The following DRAM1 variants were observed in gnomAD, a reference collection of about 807,000 sequenced individuals.
The protein encoded by DRAM1 is DNA damage-regulated autophagy modulator protein 1.
DRAM1 carries 25 observed loss-of-function variants against 28.5 expected under a neutral mutation model. That is an observed-to-expected ratio of 0.88 (90% CI 0.64 to 1.23). The LOEUF is 1.23. Ranked by LOEUF, DRAM1 falls within the 50% of genes most tolerant of loss-of-function variation. DRAM1 has a pLI of 0.00. For missense variants in DRAM1, 249 were observed against 299.2 expected (o/e 0.83, Z 1.24); for synonymous variants, 113 against 114.2 (o/e 0.99, Z 0.07).
rs73378828 is a variant in DRAM1, at chr12:101,919,011, C to T, written c.580-1098C>T. On this transcript the variant is annotated intron_variant, in intron 5 of 6. Transcript: ENST00000258534. ...ATCATGGTTCACTGCAACCTCTATC[C>T]CCCAGGCTCAAGTGATCCTCCCAGT... Among the ~76,000 whole-genome samples the T allele has an allele frequency of 3.3e-3, 497 of 151,816 alleles. 7 individuals carry two copies. The highest frequency in any genetic ancestry group is 0.011 in the African/African-American group (458 of 41,396).
intron 3 of DRAM1, among the ~76,000 whole-genome samples, chr12:101,903,926 TACACACACACACACACACACACACAC>T (rs775764624): frequency 7.4e-6 from 1 of 135,924 alleles, no homozygotes; most frequent in Non-Finnish European, 1.6e-5. Context: ...CACACACACA[TACACACACACACACACACACACACAC>T]ACACACACAC....
At chr12:101,878,232 A>G (rs865932726) in intron 1 of DRAM1, among the ~76,000 whole-genome samples, 40 of 152,242 alleles carry the variant, frequency 2.6e-4, no homozygotes, top group Middle Eastern at 3.4e-3. Context: ...CGATATTGAA[A>G]CAAGATGGGT....
chr12:101,920,293 C>CTTTATT, intron 6 of DRAM1, 92 bp downstream of exon 6: 3 of 262,170 alleles, frequency 1.1e-5, no homozygotes, highest in East Asian at 8.4e-5. Flanking sequence ...AAAAAGAGCA[C>CTTTATT]TTTCTTTTTT....
chr12:101,914,482 C>CTTTTTT (rs1437711201), intron 5 of DRAM1, among the ~76,000 whole-genome samples: 1 of 138,142 alleles, frequency 7.2e-6, no homozygotes, highest in African/African-American at 2.8e-5. Context: ...TCTTCTTCTT[C>CTTTTTT]TTCTTTTTTT....
At position 101,901,288 on chromosome 12, in the gene DRAM1, C is replaced by T. The variant is rs1873591642; in HGVS notation, c.200-3C>T. 2.5e-6 allele frequency: 4 copies of T among 1,605,716 alleles called. No homozygotes were observed. The highest frequency in any genetic ancestry group is 2.7e-5 in the African/African-American group (2 of 74,250). On this transcript the variant is annotated splice_region_variant and splice_polypyrimidine_tract_variant and intron_variant, in intron 2 of 6. Coordinates refer to ENST00000258534, the MANE Select transcript of DRAM1 (RefSeq NM_018370.3). ...CATTCATCAAAGTTCTCTTCTTTTT[C>T]AGGTGCAGCCACGATGTATACAAGA...
intron 3 of DRAM1, among the ~76,000 whole-genome samples, chr12:101,904,112 C>A (rs1450949612): frequency 6.6e-6 from 1 of 151,988 alleles, no homozygotes; most frequent in Admixed American, 6.6e-5. Context: ...TTCAGCCTCC[C>A]GAGCAGATGG....
intron 3 of DRAM1, among the ~76,000 whole-genome samples, chr12:101,904,750 T>A (rs1410296574): frequency 6.6e-6 from 1 of 152,020 alleles, no homozygotes; most frequent in Non-Finnish European, 1.5e-5. Flanking sequence ...TGATAGAGCT[T>A]TATTAAACTA....
At chr12:101,903,593 T>G (rs188149810) in intron 3 of DRAM1, among the ~76,000 whole-genome samples, 79 of 152,308 alleles carry the variant, frequency 5.2e-4, no homozygotes, top group Non-Finnish European at 9.3e-4. Context: ...TTAATAATTC[T>G]GGAGATCTAT....
intron 4 of DRAM1, among the ~76,000 whole-genome samples, chr12:101,912,085 G>A (rs1391982611): frequency 6.6e-6 from 1 of 152,162 alleles, no homozygotes; most frequent in African/African-American, 2.4e-5. Context: ...TGTAATCCCA[G>A]CTGCTGAGGA....
chr12:101,905,432 C>T (rs75647810), intron 3 of DRAM1, among the ~76,000 whole-genome samples: 10,020 of 152,020 alleles, frequency 0.066, 793 homozygotes, highest in African/African-American at 0.19. Flanking sequence ...CAGGTTCATG[C>T]CATCATGCCC....
chr12:101,883,280 G>A (rs1386905099), intron 1 of DRAM1, among the ~76,000 whole-genome samples: 1 of 148,848 alleles, frequency 6.7e-6, no homozygotes, highest in African/African-American at 2.5e-5. Flanking sequence ...TAATTATAAG[G>A]CATACTTTTT....
rs567312903 is a variant in DRAM1, at chr12:101,913,204, T to A, written c.521-970T>A. Among the ~76,000 whole-genome samples, 39 of 152,290 alleles carry A rather than the reference T, an allele frequency of 2.6e-4. No homozygotes were observed. In the South Asian group the frequency reaches 4.6e-3, roughly 18 times the overall value. On this transcript the variant is annotated intron_variant, in intron 4 of 6. Coordinates refer to ENST00000258534, the MANE Select transcript of DRAM1 (RefSeq NM_018370.3). ...GCATTATTAGGCTGGACTGTAGGCA[T>A]GTGTCAGTCATCCCTGAAGTCTGAT...
chr12:101,889,649 G>A (rs1873026895), intron 1 of DRAM1, among the ~76,000 whole-genome samples: 1 of 152,150 alleles, frequency 6.6e-6, no homozygotes, highest in African/African-American at 2.4e-5. Context: ...CTTTAAGATG[G>A]CAATAGTGAG....
chr12:101,912,659 G>T (rs144712698), intron 4 of DRAM1, among the ~76,000 whole-genome samples: 1,678 of 152,176 alleles, frequency 0.011, 26 homozygotes, highest in African/African-American at 0.039. Context: ...CACAATTTGC[G>T]GGGGGTTGGA....
intron 4 of DRAM1, among the ~76,000 whole-genome samples, chr12:101,912,436 T>C (rs1229608948): frequency 6.6e-6 from 1 of 152,178 alleles, no homozygotes; most frequent in Non-Finnish European, 1.5e-5. Flanking sequence ...AACAAAGTTG[T>C]GATATTTCTG....
intron 5 of DRAM1, among the ~76,000 whole-genome samples, chr12:101,916,381 G>C (rs1214305265): frequency 6.6e-6 from 1 of 152,212 alleles, no homozygotes; most frequent in African/African-American, 2.4e-5. Flanking sequence ...GCATGCGCCT[G>C]TAGTCCCAGC....
chr12:101,887,543 T>TG lies in DRAM1; in HGVS notation c.131+9623_131+9624insG, dbSNP rs112657282. On this transcript the variant is annotated intron_variant, in intron 1 of 6. Transcript: ENST00000258534. ...CTGAAGACTTTTTTCTTTTTCTTTT[T>TG]TTTTTGAGACGAAGTCTCACTCTGT... Among the ~76,000 whole-genome samples the TG allele has an allele frequency of 7.2e-3, 1,088 of 151,972 alleles. 16 individuals are homozygous for TG. Among genetic ancestry groups the TG allele is most frequent in the African/African-American group, 0.024 (1,014 of 41,408 alleles).
At chr12:101,901,868 CAA>C (rs57574986) in intron 3 of DRAM1, among the ~76,000 whole-genome samples, 19 of 114,296 alleles carry the variant, frequency 1.7e-4, no homozygotes, top group Admixed American at 2.8e-4. Flanking sequence ...GACTCTATCT[CAA>C]AAAAAAAAAA....
At chr12:101,891,560 G>T (rs1873127010) in intron 1 of DRAM1, among the ~76,000 whole-genome samples, 1 of 152,162 alleles carries the variant, frequency 6.6e-6, no homozygotes, top group Non-Finnish European at 1.5e-5. Flanking sequence ...AAACGACTTG[G>T]AATTTTCCAC....
Sources: gnomAD v4.1 joint callset for allele counts (sites outside exome capture counted in the v4.1 genomes callset) on GRCh38, gnomAD v4.1.1 for gene constraint, MANE v1.5 for transcripts, NCBI Gene and HGNC (gene_info 2026-07-23, HGNC 2026-07-21) for gene names.